The following CAMK1D variants were observed in gnomAD, a reference collection of about 807,000 sequenced individuals.
CAMK1D encodes the protein calcium/calmodulin-dependent protein kinase type 1D.
Under a neutral mutation model 47.7 loss-of-function variants are expected in CAMK1D, and 9 were observed. The ratio of observed to expected loss-of-function variants is 0.19; its 90% CI spans 0.11 to 0.33. CAMK1D has a LOEUF of 0.33. Among genes scored for constraint, CAMK1D ranks in the 10% least tolerant of loss-of-function variants. The probability of loss-of-function intolerance (pLI) is 1.00; values close to 1 mark genes in which losing one functional copy is unlikely to be tolerated. For missense variants in CAMK1D, 291 were observed against 488.7 expected (o/e 0.60, Z 3.81); for synonymous variants, 184 against 184.9 (o/e 0.99, Z 0.04).
At chr10:12,452,902 A>T (rs890079588) in intron 1 of CAMK1D, among the ~76,000 whole-genome samples, 1 of 152,084 alleles carries the variant, frequency 6.6e-6, no homozygotes, top group African/African-American at 2.4e-5. Flanking sequence ...GTTCAGTGGC[A>T]TGAAGTATAT....
chr10:12,769,370 C>T (rs1836928490), intron 4 of CAMK1D, among the ~76,000 whole-genome samples: 1 of 152,220 alleles, frequency 6.6e-6, no homozygotes, highest in Admixed American at 6.5e-5. Flanking sequence ...AGACGTAAAT[C>T]CACAAGTCTG....
At chr10:12,746,168 T>A (rs886299783) in intron 3 of CAMK1D, among the ~76,000 whole-genome samples, 12 of 151,932 alleles carry the variant, frequency 7.9e-5, no homozygotes, top group Admixed American at 1.3e-4. Flanking sequence ...GTGGAGATCA[T>A]CCTGGCTAAC....
chr10:12,368,064 C>T (rs533967556), intron 1 of CAMK1D, among the ~76,000 whole-genome samples: 16 of 152,192 alleles, frequency 1.1e-4, no homozygotes, highest in African/African-American at 3.1e-4. Context: ...CGGTGGCGGG[C>T]GCCTGTAGTC....
intron 2 of CAMK1D, among the ~76,000 whole-genome samples, chr10:12,643,681 C>G (rs1839730496): frequency 6.6e-6 from 1 of 151,992 alleles, no homozygotes; most frequent in Admixed American, 6.6e-5. Flanking sequence ...GTCAGGAGTT[C>G]AAGGCCAGCC....
At chr10:12,619,000 G>GTC (rs1032686433) in intron 2 of CAMK1D, among the ~76,000 whole-genome samples, 3 of 152,086 alleles carry the variant, frequency 2.0e-5, no homozygotes, top group East Asian at 1.9e-4. Flanking sequence ...TTACTCCAAA[G>GTC]TCTCTCTCTC....
At chr10:12,572,602 G>T (rs958087840) in intron 2 of CAMK1D, among the ~76,000 whole-genome samples, 4 of 152,060 alleles carry the variant, frequency 2.6e-5, no homozygotes, top group Non-Finnish European at 4.4e-5. Flanking sequence ...GAGGGGAGGG[G>T]CCCTAGGCAA....
At chr10:12,600,202 G>T (rs1362725389) in intron 2 of CAMK1D, among the ~76,000 whole-genome samples, 1 of 152,166 alleles carries the variant, frequency 6.6e-6, no homozygotes, top group East Asian at 1.9e-4. Context: ...AAAAAAACAG[G>T]AGAGATACTC....
intron 1 of CAMK1D, among the ~76,000 whole-genome samples, chr10:12,548,605 C>G (rs946503492): frequency 6.6e-6 from 1 of 151,782 alleles, no homozygotes; most frequent in East Asian, 1.9e-4. Context: ...GCTGGTATGA[C>G]AGGTGTACAC....
intron 1 of CAMK1D, among the ~76,000 whole-genome samples, chr10:12,461,745 C>T (rs1215239396): frequency 6.7e-6 from 1 of 148,964 alleles, no homozygotes; most frequent in African/African-American, 2.5e-5. Flanking sequence ...AGTAACCCAA[C>T]AGTGGTGGAA....
At chr10:12,570,880 G>A (rs1409101541) in intron 2 of CAMK1D, among the ~76,000 whole-genome samples, 1 of 152,076 alleles carries the variant, frequency 6.6e-6, no homozygotes, top group Non-Finnish European at 1.5e-5. Context: ...TGAACCCAGA[G>A]GCGGAGGTTG....
intron 1 of CAMK1D, among the ~76,000 whole-genome samples, chr10:12,481,596 G>A (rs933257594): frequency 6.6e-5 from 10 of 151,888 alleles, no homozygotes; most frequent in South Asian, 2.1e-4. Flanking sequence ...TGCAACCTCC[G>A]CCTCCCAGGT....
intron 2 of CAMK1D, among the ~76,000 whole-genome samples, chr10:12,590,288 G>A (rs916979526): frequency 1.3e-5 from 2 of 151,946 alleles, no homozygotes; most frequent in African/African-American, 4.8e-5. Flanking sequence ...CACCATCATC[G>A]CCCACTGCAG....
chr10:12,359,708 T>G (rs1295434812), intron 1 of CAMK1D, among the ~76,000 whole-genome samples: 2 of 152,170 alleles, frequency 1.3e-5, no homozygotes, highest in Admixed American at 1.3e-4. Flanking sequence ...TCTGCTTTGT[T>G]TCTTATTGAA....
At chr10:12,413,570 T>G (rs199759054) in intron 1 of CAMK1D, among the ~76,000 whole-genome samples, 11 of 12,456 alleles carry the variant, frequency 8.8e-4, no homozygotes, top group Non-Finnish European at 1.1e-3. Flanking sequence ...GATGATGACA[T>G]TGGGGATGAT....
In CAMK1D at chr10:12,765,354, G is replaced by A. The variant is rs115675942; in HGVS notation, c.438+4268G>A. The stretch of plus-strand genomic sequence containing the variant: ...CTCAACTTGGAATACAGCTAGACGA[G>A]TAGGGATTTATAGCCAAAGAAGAGA... On this transcript the variant is annotated intron_variant, in intron 4 of 10. Transcript: ENST00000619168. Among the ~76,000 whole-genome samples, 704 of 152,244 alleles carry A rather than the reference G, an allele frequency of 4.6e-3. 6 individuals are homozygous for A. The highest frequency in any genetic ancestry group is 0.016 in the African/African-American group (650 of 41,534).
At chr10:12,399,784 A>C (rs976173949) in intron 1 of CAMK1D, among the ~76,000 whole-genome samples, 4 of 152,346 alleles carry the variant, frequency 2.6e-5, no homozygotes, top group Non-Finnish European at 5.9e-5. Flanking sequence ...AGAAGTGTCT[A>C]GTGTTCCTAA....
chr10:12,789,180 C>T (rs1007784824), intron 5 of CAMK1D, among the ~76,000 whole-genome samples: 2 of 152,190 alleles, frequency 1.3e-5, no homozygotes, highest in African/African-American at 2.4e-5. Context: ...AACACAAATT[C>T]GTAAATTTTC....
chr10:12,443,634 T>A (rs1832847982), intron 1 of CAMK1D, among the ~76,000 whole-genome samples: 1 of 152,038 alleles, frequency 6.6e-6, no homozygotes, highest in Non-Finnish European at 1.5e-5. Context: ...TATTTTATTT[T>A]TTTTTTTATT....
intron 3 of CAMK1D, among the ~76,000 whole-genome samples, chr10:12,697,031 A>G (rs1833325106): frequency 6.6e-6 from 1 of 152,170 alleles, no homozygotes; most frequent in Non-Finnish European, 1.5e-5. Flanking sequence ...AAAAAATGAC[A>G]CTAAATTCGA....
Sources: allele counts gnomAD v4.1 joint callset (sites outside exome capture counted in the v4.1 genomes callset), GRCh38; gene constraint gnomAD v4.1.1; transcripts MANE v1.5; gene names NCBI Gene and HGNC (gene_info 2026-07-23, HGNC 2026-07-21).